The following ZDHHC21 variants were observed in gnomAD, a reference collection of about 807,000 sequenced individuals.
The protein encoded by ZDHHC21 is palmitoyltransferase ZDHHC21.
In ZDHHC21, 15 loss-of-function variants were observed where a neutral mutation model predicts 34.6. That is an observed-to-expected ratio of 0.43 (90% confidence interval 0.29 to 0.67). ZDHHC21 has a LOEUF of 0.67. Ranked by LOEUF, ZDHHC21 falls within the 30% of genes least tolerant of loss-of-function variation. The probability of loss-of-function intolerance (pLI) is 0.14; values close to 1 mark genes in which losing one functional copy is unlikely to be tolerated. For missense variants in ZDHHC21, 344 were observed against 327.7 expected, an observed-to-expected ratio of 1.05 and a Z score of -0.38; for synonymous variants, 142 against 101.8, an observed-to-expected ratio of 1.40 and a Z score of -2.38.
chr9:14,686,521 G>A (rs545887478), intron 2 of ZDHHC21, among the ~76,000 whole-genome samples: 78 of 152,256 alleles, frequency 5.1e-4, no homozygotes, highest in Non-Finnish European at 9.4e-4. Context: ...TACATTTGTG[G>A]GGGGCACAGA....
chr9:14,614,855 T>C lies in ZDHHC21; in HGVS notation c.*4111A>G, dbSNP rs1366673454. On this transcript the variant is annotated 3_prime_UTR_variant, in exon 10 of 10. Transcript: ENST00000380916. ...CTACTCAATGTTTGTATGTGTGAAT[T>C]TTATCAAATAAATTCTAGATATATC... 4.6e-5 allele frequency: 7 copies of C among 151,708 alleles called. No individual in the cohort carries two copies. The highest frequency in any genetic ancestry group is 2.6e-4 in the Admixed American group (4 of 15,186). The allele number at this position is 151,708 out of a possible 1,614,324, so 9.4% of individuals were successfully genotyped here.
chr9:14,595,501 G>A, the ZDHHC21 span, among the ~76,000 whole-genome samples: 1 of 152,142 alleles, frequency 6.6e-6, no homozygotes, highest in Admixed American at 6.5e-5. Flanking sequence ...AGTCCAAGGG[G>A]TCTTTCTAAG....
chr9:14,687,617 G>A lies in ZDHHC21; in HGVS notation c.-176+2720C>T, dbSNP rs186995935. 1.6e-3 allele frequency among the ~76,000 whole-genome samples: 247 copies of A among 151,030 alleles called. 4 individuals carry two copies. Among genetic ancestry groups the A allele is most frequent in the Non-Finnish European group, 2.7e-3 (182 of 68,022 alleles). On this transcript the variant is annotated intron_variant, in intron 2 of 9. Coordinates refer to ENST00000380916, the MANE Select transcript of ZDHHC21 (RefSeq NM_178566.6). ...AGCTTGAACCCAGGAGGCAGAAGCCGCAGTGAGCAGAAATCATCGTGCCAC... is the reference window on the plus strand; with the variant it reads ...AGCTTGAACCCAGGAGGCAGAAGCCACAGTGAGCAGAAATCATCGTGCCAC...
intron 8 of ZDHHC21, among the ~76,000 whole-genome samples, chr9:14,639,453 G>T (rs1303981960): frequency 6.6e-6 from 1 of 152,074 alleles, no homozygotes; most frequent in African/African-American, 2.4e-5. Context: ...ACAGTAGGGT[G>T]ACTACAGTCA....
chr9:14,649,152 G>C (rs957951851), intron 7 of ZDHHC21, among the ~76,000 whole-genome samples: 1 of 151,904 alleles, frequency 6.6e-6, no homozygotes, highest in Non-Finnish European at 1.5e-5. Context: ...TGTTTTCTGT[G>C]GGGGAAAGTC....
rs1410976165 is a variant in ZDHHC21 at position 14,613,743 on chromosome 9, T to A, written c.*5223A>T. ...TTAAAGTGAAAGCCACCCTTATATA[T>A]TGTTTATTTTTCCTCTGGTGACAAA... On this transcript the variant is annotated 3_prime_UTR_variant, in exon 10 of 10. Coordinates refer to ENST00000380916, the MANE Select transcript of ZDHHC21 (RefSeq NM_178566.6). The A allele has an allele frequency of 6.6e-6, 1 of 151,726 alleles. No individual in the cohort carries two copies. Among genetic ancestry groups the A allele is most frequent in the East Asian group, 1.9e-4 (1 of 5,184 alleles). 9.4% of individuals were successfully genotyped at this position (151,726 alleles called of 1,614,324 possible). A position where few individuals can be genotyped will look rare whatever the true frequency, so the allele number is the denominator to read the frequency against.
chr9:14,603,758 G>C, the ZDHHC21 span, among the ~76,000 whole-genome samples: 2 of 152,090 alleles, frequency 1.3e-5, no homozygotes, highest in East Asian at 1.9e-4. Flanking sequence ...AAAGGGAATC[G>C]CTGCTCTTTA....
the ZDHHC21 span, among the ~76,000 whole-genome samples, chr9:14,592,182 A>C: frequency 0.56 from 84,746 of 151,624 alleles, 24,072 homozygotes; most frequent in Non-Finnish European, 0.62. Context: ...TAATTCCTCT[A>C]TTGATTTTAA....
intron 7 of ZDHHC21, among the ~76,000 whole-genome samples, chr9:14,644,700 G>A (rs1829983285): frequency 1.3e-5 from 2 of 151,602 alleles, no homozygotes; most frequent in South Asian, 4.2e-4. Context: ...ATTTTCTAGT[G>A]CAAAAACCAC....
intron 5 of ZDHHC21, among the ~76,000 whole-genome samples, chr9:14,669,156 GA>G (rs1389787303): frequency 1.5e-5 from 2 of 129,726 alleles, no homozygotes; most frequent in Non-Finnish European, 1.7e-5. Flanking sequence ...AAATTTACAA[GA>G]AAAAAACAAA....
At position 14,611,074 on chromosome 9, in the gene ZDHHC21, G is replaced by C. The variant is rs987147190; in HGVS notation, c.*7892C>G. ...GGTAAGAGGATAAAAACAGTCCTAC[G>C]TTTTTAAAAAATATTTATTTAAAAA... On this transcript the variant is annotated 3_prime_UTR_variant, in exon 10 of 10. Coordinates refer to ENST00000380916, the MANE Select transcript of ZDHHC21 (RefSeq NM_178566.6). 1 of 151,622 alleles carries C rather than the reference G, an allele frequency of 6.6e-6. No homozygotes were observed. The highest frequency in any genetic ancestry group is 1.9e-4 in the East Asian group (1 of 5,174). 9.4% of individuals were successfully genotyped at this position (151,622 alleles called of 1,614,324 possible).
intron 7 of ZDHHC21, among the ~76,000 whole-genome samples, chr9:14,653,935 C>G (rs1372952731): frequency 2.0e-5 from 3 of 151,968 alleles, no homozygotes; most frequent in African/African-American, 7.2e-5. Flanking sequence ...AAGATACTGG[C>G]AAGTAGCCAA....
downstream of ZDHHC21, among the ~76,000 whole-genome samples, chr9:14,607,414 GTTA>G (rs1324523314): frequency 6.6e-6 from 1 of 151,958 alleles, no homozygotes; most frequent in Non-Finnish European, 1.5e-5. Context: ...CAAAAAAAAA[GTTA>G]TTATATGTTA....
chr9:14,623,844 A>T (rs953300698), intron 8 of ZDHHC21, among the ~76,000 whole-genome samples: 2 of 152,142 alleles, frequency 1.3e-5, no homozygotes, highest in Non-Finnish European at 2.9e-5. Context: ...TACAAAAGGT[A>T]AATGTTGGCA....
chr9:14,667,329 A>G (rs2134004025), intron 5 of ZDHHC21, among the ~76,000 whole-genome samples: 1 of 150,722 alleles, frequency 6.6e-6, no homozygotes, highest in East Asian at 2.0e-4. Flanking sequence ...ATAGACGAAT[A>G]ACAGGAGCTG....
Position 14,619,095 on chromosome 9 carries a change from C to T in ZDHHC21, c.669G>A (p.Ser223=), listed in dbSNP as rs753317580. The T allele has an allele frequency of 3.1e-6, 5 of 1,606,244 alleles. No homozygotes were observed. Among genetic ancestry groups the T allele is most frequent in the South Asian group, 1.1e-5 (1 of 89,828 alleles). The change falls in exon 10 of 10, where the codon TCG becomes TCA. Residue 223 remains serine, a synonymous_variant. Transcript: ENST00000380916. ...TCTGCTGCCATGGCTTTCGGGGCCT[C>T]GATCTACAGAAGACAGCATTATTAG... ...EKMSNCCEDI[S]RPRKPWQQTF...
chr9:14,625,512 A>C (rs1826047323), intron 8 of ZDHHC21, among the ~76,000 whole-genome samples: 1 of 151,870 alleles, frequency 6.6e-6, no homozygotes, highest in South Asian at 2.1e-4. Flanking sequence ...AATTGCTAAA[A>C]CTCTATACCT....
chr9:14,657,634 T>C (rs906653334), intron 7 of ZDHHC21, among the ~76,000 whole-genome samples: 2 of 152,094 alleles, frequency 1.3e-5, no homozygotes, highest in Non-Finnish European at 2.9e-5. Flanking sequence ...CAAAAGAAAG[T>C]AGCTGTTTTC....
chr9:14,645,057 A>G (rs1040752824), intron 7 of ZDHHC21, among the ~76,000 whole-genome samples: 3 of 152,180 alleles, frequency 2.0e-5, no homozygotes, highest in African/African-American at 2.4e-5. Flanking sequence ...AGCTATCACT[A>G]TGGTTTGTGG....
Sources: allele counts gnomAD v4.1 joint callset (sites outside exome capture counted in the v4.1 genomes callset), GRCh38; gene constraint gnomAD v4.1.1; transcripts MANE v1.5; gene names NCBI Gene and HGNC (gene_info 2026-07-23, HGNC 2026-07-21).